Variants in MBTPS2 observed in about 807,000 individuals in gnomAD.
The protein encoded by MBTPS2 is membrane bound transcription factor peptidase, site 2, also known as membrane-bound transcription factor site-2 protease.
MBTPS2 carries 2 observed loss-of-function variants against 35.4 expected under a neutral mutation model. The observed-to-expected ratio is 0.06, with a 90% confidence interval of 0.02 to 0.18. MBTPS2 has a LOEUF of 0.18. Among genes scored for constraint, MBTPS2 ranks in the 10% least tolerant of loss-of-function variants. MBTPS2 has a pLI of 1.00. For synonymous variants in MBTPS2, 125 were observed against 140.4 expected (o/e 0.89, Z 0.77); for missense variants, 244 against 386.5 (o/e 0.63, Z 3.09).
chrX:21,879,852 T>C (rs912403314), intron 9 of MBTPS2, among the ~76,000 whole-genome samples: 1 of 110,725 alleles, frequency 9.0e-6, no homozygotes, highest in Admixed American at 9.7e-5. Context: ...GAATTAGTAC[T>C]TCATTCTTTT....
chrX:21,849,748 C>T (rs2092912516), intron 3 of MBTPS2, among the ~76,000 whole-genome samples: 3 of 107,398 alleles, frequency 2.8e-5, no homozygotes, highest in African/African-American at 1.0e-4. Flanking sequence ...CAGGACCGGC[C>T]GGGCGCAGTG....
chrX:21,846,404 C>G (rs760886765), intron 3 of MBTPS2, among the ~76,000 whole-genome samples: 3 of 111,666 alleles, frequency 2.7e-5, no homozygotes, highest in Admixed American at 9.5e-5. Context: ...GAGTTTTGCT[C>G]TTGCTGCCCA....
At position 21,862,909 on chromosome X, in the gene MBTPS2, A is replaced by AATATATAAACATAT. The variant is rs1224882024; in HGVS notation, c.671-5536_671-5523dup. ...ATACACATATATATAAACATATATA[A>AATATATAAACATAT]ATATATAAACATATATATATAAACA... On this transcript the variant is annotated intron_variant, in intron 5 of 10. Transcript: ENST00000379484. Among the ~76,000 whole-genome samples the AATATATAAACATAT allele has an allele frequency of 2.3e-3, 124 of 54,148 alleles. 4 individuals are homozygous for AATATATAAACATAT. The highest frequency in any genetic ancestry group is 6.1e-3 in the African/African-American group (119 of 19,368). The allele number at this position is 54,148 out of a possible 115,157, so 47.0% of individuals were successfully genotyped here.
Position 21,862,967 on chromosome X carries a change from T to TATATATATATAA in MBTPS2, c.671-5499_671-5498insTATATATATAAA, listed in dbSNP as rs1283198445. On this transcript the variant is annotated intron_variant, in intron 5 of 10. Coordinates refer to ENST00000379484, the MANE Select transcript of MBTPS2 (RefSeq NM_015884.4). The stretch of plus-strand genomic sequence containing the variant: ...ATATATATATATATATATATATATA[T>TATATATATATAA]AAAACCGACTGGGCGCGGTGGCTCA... Among the ~76,000 whole-genome samples, 16 of 58,349 alleles carry TATATATATATAA rather than the reference T, an allele frequency of 2.7e-4. 1 individual carries two copies. The highest frequency in any genetic ancestry group is 4.3e-4 in the Admixed American group (2 of 4,705). The allele number at this position is 58,349 out of a possible 115,157, so 50.7% of individuals were successfully genotyped here. A position where few individuals can be genotyped will look rare whatever the true frequency, so the allele number is the denominator to read the frequency against.
chrX:21,843,639 T>G (rs1201428098), intron 2 of MBTPS2, among the ~76,000 whole-genome samples: 1 of 111,441 alleles, frequency 9.0e-6, no homozygotes, highest in Non-Finnish European at 1.9e-5. Flanking sequence ...TGTTAAAAAT[T>G]TAGCCCCAAA....
intron 5 of MBTPS2, among the ~76,000 whole-genome samples, chrX:21,855,257 A>G (rs2092919293): frequency 8.9e-6 from 1 of 111,778 alleles, no homozygotes; most frequent in Non-Finnish European, 1.9e-5. Context: ...ATGACAATTG[A>G]TAACAGAGAA....
intron 5 of MBTPS2, among the ~76,000 whole-genome samples, chrX:21,865,858 A>G (rs2092939037): frequency 8.9e-6 from 1 of 112,487 alleles, no homozygotes; most frequent in Non-Finnish European, 1.9e-5. Flanking sequence ...GGTAGCCCTT[A>G]GCCCCCGCTT....
In MBTPS2 at chrX:21,882,698, G is replaced by A. The variant is rs1383308059; in HGVS notation, c.*43G>A. 1 of 1,206,563 alleles carries A rather than the reference G, an allele frequency of 8.3e-7. No individual in the cohort carries two copies. Among genetic ancestry groups the A allele is most frequent in the Non-Finnish European group, 1.1e-6 (1 of 891,975 alleles). ...CAGAATCCCTGAGTTACAGTATACA[G>A]CTATGTGGTAATATTCATTGCCATT... On this transcript the variant is annotated 3_prime_UTR_variant, in exon 11 of 11. Coordinates refer to ENST00000379484, the MANE Select transcript of MBTPS2 (RefSeq NM_015884.4).
chrX:21,860,749 G>C (rs1376857024), intron 5 of MBTPS2, among the ~76,000 whole-genome samples: 1 of 112,163 alleles, frequency 8.9e-6, no homozygotes, highest in African/African-American at 3.2e-5. Flanking sequence ...AACTGAGCTG[G>C]GGTTGGGGGG....
chrX:21,856,248 C>G, intron 5 of MBTPS2: 1 of 408,200 alleles, frequency 2.4e-6, no homozygotes, highest in Non-Finnish European at 4.2e-6. Flanking sequence ...CCAGAAGCAC[C>G]TGCGCCTTCC....
chrX:21,849,918 C>T (rs1274340483), intron 3 of MBTPS2, among the ~76,000 whole-genome samples: 1 of 104,342 alleles, frequency 9.6e-6, no homozygotes, highest in African/African-American at 3.5e-5. Flanking sequence ...CCCAGCTACT[C>T]GGAGAGGCTG....
chrX:21,857,409 A>C, intron 5 of MBTPS2: 3 of 1,212,255 alleles, frequency 2.5e-6, no homozygotes, highest in Non-Finnish European at 3.3e-6. Context: ...CACCGGCGAG[A>C]AGCCCTTTCA....
At chrX:21,863,020 C>T (rs1272956059) in intron 5 of MBTPS2, among the ~76,000 whole-genome samples, 11 of 84,128 alleles carry the variant, frequency 1.3e-4, no homozygotes, top group Non-Finnish European at 2.3e-4. Flanking sequence ...CTTTGGGAGG[C>T]GGAGGTGGGA....
At chrX:21,880,616 A>T (rs755920902) in intron 9 of MBTPS2, among the ~76,000 whole-genome samples, 1 of 111,422 alleles carries the variant, frequency 9.0e-6, no homozygotes, top group South Asian at 3.8e-4. Flanking sequence ...TTAAGGTTAT[A>T]CCTCTTTGAA....
chrX:21,865,183 C>A (rs1197893166), intron 5 of MBTPS2, among the ~76,000 whole-genome samples: 1 of 105,699 alleles, frequency 9.5e-6, no homozygotes, highest in African/African-American at 3.5e-5. Flanking sequence ...AGCTACCACA[C>A]GGGGCTATTT....
intron 2 of MBTPS2, 83 bp from the exon 3 acceptor site, chrX:21,845,088 T>C: frequency 8.3e-7 from 1 of 1,204,208 alleles, no homozygotes; most frequent in South Asian, 1.8e-5. Context: ...TTTAAAGCTA[T>C]GAAATGTGGC....
At chrX:21,849,596 G>C (rs1465254626) in intron 3 of MBTPS2, among the ~76,000 whole-genome samples, 1 of 110,983 alleles carries the variant, frequency 9.0e-6, no homozygotes, top group Non-Finnish European at 1.9e-5. Flanking sequence ...ATTAAACATT[G>C]GACAAAGATT....
In MBTPS2 at chrX:21,845,306, TTCC is replaced by T. The variant is rs1461981855; in HGVS notation, c.366_368del (p.Ser136del). 6.7e-6 allele frequency: 8 copies of T among 1,190,006 alleles called. No homozygotes were observed. Among genetic ancestry groups the T allele is most frequent in the South Asian group, 1.8e-5 (1 of 56,352 alleles). On this transcript the variant is annotated inframe_deletion, in exon 3 of 11. Coordinates refer to ENST00000379484, the MANE Select transcript of MBTPS2 (RefSeq NM_015884.4). Reference sequence around the variant, plus strand: ...CTTATTCTTCCTCCTCTTCTTCCTCTTCCTCCTCTTCTTCCTCTTCCTCTTCTT... The same window carrying T: ...CTTATTCTTCCTCCTCTTCTTCCTCTTCCTCTTCTTCCTCTTCCTCTTCTT...
chrX:21,846,232 C>A (rs912400484), intron 3 of MBTPS2, among the ~76,000 whole-genome samples: 1 of 111,818 alleles, frequency 8.9e-6, no homozygotes, highest in Non-Finnish European at 1.9e-5. Context: ...CTTCAGCAAA[C>A]ATTCCCTGCC....
Sources: gnomAD v4.1 joint callset for allele counts (sites outside exome capture counted in the v4.1 genomes callset) on GRCh38, gnomAD v4.1.1 for gene constraint, MANE v1.5 for transcripts, NCBI Gene and HGNC (gene_info 2026-07-23, HGNC 2026-07-21) for gene names.